CSMD3: variants seen among roughly 807,000 people sequenced by gnomAD.
CSMD3 encodes the protein CUB and Sushi multiple domains 3, also known as CUB and sushi domain-containing protein 3.
CSMD3 carries 177 observed loss-of-function variants against 435.2 expected under a neutral mutation model. That is an observed-to-expected ratio of 0.41 (90% CI 0.36 to 0.46). CSMD3 has a LOEUF of 0.46. Ranked by LOEUF, CSMD3 falls within the 20% of genes least tolerant of loss-of-function variation. CSMD3 has a pLI of 0.34. For synonymous variants in CSMD3, 1,656 were observed against 1,520.5 expected, an observed-to-expected ratio of 1.09 and a Z score of -2.07; for missense variants, 4,265 against 4,504.6, an observed-to-expected ratio of 0.95 and a Z score of 1.52.
chr8:112,410,622 ATATGTG>A (rs1365850194), intron 32 of CSMD3, among the ~76,000 whole-genome samples: 7 of 58,264 alleles, frequency 1.2e-4, no homozygotes, highest in Admixed American at 1.2e-3. Flanking sequence ...ATATGTATAT[ATATGTG>A]TATATATATG....
At chr8:112,891,406 C>G (rs1245572234) in intron 10 of CSMD3, among the ~76,000 whole-genome samples, 1 of 151,642 alleles carries the variant, frequency 6.6e-6, no homozygotes, top group African/African-American at 2.4e-5. Flanking sequence ...TTCTCACCCA[C>G]AGTTTATACC....
intron 35 of CSMD3, among the ~76,000 whole-genome samples, chr8:112,395,755 G>A (rs1830804851): frequency 6.6e-6 from 1 of 152,128 alleles, no homozygotes; most frequent in South Asian, 2.1e-4. Context: ...GAGTCTAAAA[G>A]GGAGGAAAGC....
intron 8 of CSMD3, among the ~76,000 whole-genome samples, chr8:112,952,919 C>A (rs944964624): frequency 1.3e-5 from 2 of 151,106 alleles, no homozygotes; most frequent in Non-Finnish European, 3.0e-5. Context: ...TTTTTGTTCA[C>A]CTTCACAACC....
intron 65 of CSMD3, among the ~76,000 whole-genome samples, chr8:112,242,493 C>G (rs1444844175): frequency 6.6e-6 from 1 of 152,034 alleles, no homozygotes; most frequent in Non-Finnish European, 1.5e-5. Flanking sequence ...TTGAGAGACA[C>G]TGCAGTAGTC....
chr8:112,489,787 A>T (rs1820505354), intron 31 of CSMD3, among the ~76,000 whole-genome samples: 1 of 152,150 alleles, frequency 6.6e-6, no homozygotes, highest in African/African-American at 2.4e-5. Flanking sequence ...TCATAAACTT[A>T]TCTTGAACTT....
rs1328803850 is a variant in CSMD3, at chr8:112,223,906, A to AT, written c.*864dup. ...TGTCTCAGATAACTGCAAAATAATAATTTTTCTAGATAATTTCTGCCAGCC... is the reference window on the plus strand; with the variant it reads ...TGTCTCAGATAACTGCAAAATAATAATTTTTTCTAGATAATTTCTGCCAGCC... On this transcript the variant is annotated 3_prime_UTR_variant, in exon 71 of 71. Coordinates refer to ENST00000297405, the MANE Select transcript of CSMD3 (RefSeq NM_198123.2). 6.6e-6 allele frequency: 1 copy of AT among 152,124 alleles called. No homozygotes were observed. Among genetic ancestry groups the AT allele is most frequent in the Non-Finnish European group, 1.5e-5 (1 of 68,008 alleles). 9.4% of individuals were successfully genotyped at this position (152,124 alleles called of 1,614,324 possible). A position where few individuals can be genotyped will look rare whatever the true frequency, so the allele number is the denominator to read the frequency against.
chr8:113,200,024 A>C (rs1299001037), intron 3 of CSMD3, among the ~76,000 whole-genome samples: 1 of 151,840 alleles, frequency 6.6e-6, no homozygotes, highest in African/African-American at 2.4e-5. Context: ...TATATACCCA[A>C]ATGCCTGTTG....
At chr8:112,960,931 TCTTAAA>T (rs1214327046) in intron 7 of CSMD3, among the ~76,000 whole-genome samples, 1 of 151,738 alleles carries the variant, frequency 6.6e-6, no homozygotes, top group Non-Finnish European at 1.5e-5. Flanking sequence ...TTTTTTTAAA[TCTTAAA>T]CTCCTAATTA....
intron 3 of CSMD3, among the ~76,000 whole-genome samples, chr8:113,254,577 CCTT>C (rs2093363931): frequency 6.6e-6 from 1 of 152,130 alleles, no homozygotes; most frequent in Admixed American, 6.5e-5. Flanking sequence ...GCCATCACCT[CCTT>C]AAGCTAGTCT....
intron 1 of CSMD3, among the ~76,000 whole-genome samples, chr8:113,327,716 G>C (rs1053372617): frequency 6.6e-5 from 10 of 151,890 alleles, no homozygotes; most frequent in African/African-American, 2.2e-4. Flanking sequence ...CTGTTATTTG[G>C]CCTGACATGG....
intron 10 of CSMD3, among the ~76,000 whole-genome samples, chr8:112,911,737 T>C (rs887080038): frequency 4.1e-5 from 6 of 146,226 alleles, no homozygotes; most frequent in Non-Finnish European, 6.0e-5. Flanking sequence ...TTATGTATTA[T>C]ATTATGTATA....
intron 3 of CSMD3, among the ~76,000 whole-genome samples, chr8:113,186,279 C>A (rs907566716): frequency 6.6e-6 from 1 of 152,004 alleles, no homozygotes; most frequent in East Asian, 1.9e-4. Context: ...ATGGCCAGGT[C>A]ATTGGCCACT....
intron 35 of CSMD3, among the ~76,000 whole-genome samples, chr8:112,395,048 A>G (rs1830750460): frequency 6.6e-6 from 1 of 152,208 alleles, no homozygotes; most frequent in Non-Finnish European, 1.5e-5. Context: ...TTCTACTGCA[A>G]TCATATTTAT....
rs561412077 is a variant in CSMD3, at chr8:112,638,944, G to A, written c.3311-33C>T. 2.1e-6 allele frequency: 3 copies of A among 1,414,162 alleles called. No homozygotes were observed. In the East Asian group the frequency reaches 6.9e-5, roughly 33 times the overall value. The allele number at this position is 1,414,162 out of a possible 1,614,324, so 87.6% of individuals were successfully genotyped here. A position where few individuals can be genotyped will look rare whatever the true frequency, so the allele number is the denominator to read the frequency against. On this transcript the variant is annotated intron_variant, in intron 20 of 70. Coordinates refer to ENST00000297405, the MANE Select transcript of CSMD3 (RefSeq NM_198123.2). ...GAAAAATAGAAACACTGAATTTACA[G>A]GTAGATCAGTAAAACACAGAGAGTT...
chr8:113,179,504 C>T (rs2131920583), intron 3 of CSMD3, among the ~76,000 whole-genome samples: 1 of 151,752 alleles, frequency 6.6e-6, no homozygotes, highest in East Asian at 1.9e-4. Context: ...AATCCAAGGT[C>T]CAATCTTAAC....
intron 45 of CSMD3, among the ~76,000 whole-genome samples, chr8:112,326,180 A>T (rs938331501): frequency 2.0e-5 from 3 of 152,204 alleles, no homozygotes; most frequent in African/African-American, 7.2e-5. Context: ...GGGTGTAATG[A>T]TTGTGAGGTG....
intron 12 of CSMD3, among the ~76,000 whole-genome samples, chr8:112,803,819 G>C (rs1304880530): frequency 1.3e-5 from 2 of 152,094 alleles, no homozygotes; most frequent in African/African-American, 4.8e-5. Flanking sequence ...AAGTTTGCAG[G>C]CATCCTCTGC....
chr8:113,247,751 T>C (rs1475453876), intron 3 of CSMD3, among the ~76,000 whole-genome samples: 1 of 152,110 alleles, frequency 6.6e-6, no homozygotes, highest in Non-Finnish European at 1.5e-5. Context: ...TGCTTAGCAA[T>C]AACAGATTCT....
intron 1 of CSMD3, among the ~76,000 whole-genome samples, chr8:113,333,024 C>A (rs1051310864): frequency 2.6e-5 from 4 of 151,552 alleles, no homozygotes; most frequent in East Asian, 1.9e-4. Flanking sequence ...GGGAACTGAG[C>A]AAATTTATTG....
Sources: allele counts gnomAD v4.1 joint callset (sites outside exome capture counted in the v4.1 genomes callset), GRCh38; gene constraint gnomAD v4.1.1; transcripts MANE v1.5; gene names NCBI Gene and HGNC (gene_info 2026-07-23, HGNC 2026-07-21).